DPYS: variants seen among roughly 807,000 people sequenced by gnomAD.
The protein encoded by DPYS is dihydropyrimidine amidohydrolase.
Under a neutral mutation model 50.3 loss-of-function variants are expected in DPYS, and 39 were observed. That is an observed-to-expected ratio of 0.78 (90% CI 0.60 to 1.01). The LOEUF (loss-of-function observed/expected upper bound fraction) is 1.01, where lower values mean the gene tolerates loss of function less well. Among genes scored for constraint, DPYS ranks in the 50% least tolerant of loss-of-function variants. DPYS has a pLI of 0.00. For synonymous variants in DPYS, 245 were observed against 250.7 expected (o/e 0.98, Z 0.22); for missense variants, 659 against 680.9 (o/e 0.97, Z 0.36).
Position 104,466,800 on chromosome 8 carries a change from G to C in DPYS, c.121C>G (p.Pro41Ala). ...VVRALGHDLLPPGGAPAGLRV... is the reference protein window; with the variant it reads ...VVRALGHDLLAPGGAPAGLRV... ...AGCCCCGCAGGAGCGCCCCCGGGAG[G>C]CAGCAGGTCGTGCCCGAGTGCCCGC... Residue 41 changes from proline (P) to alanine (A), a missense_variant, in exon 1 of 10, where the codon CCT (proline) becomes GCT (alanine). Transcript: ENST00000351513. The C allele has an allele frequency of 6.5e-7, 1 of 1,534,242 alleles. No homozygotes were observed. Among genetic ancestry groups the C allele is most frequent in the South Asian group, 1.2e-5 (1 of 83,616 alleles).
chr8:104,383,604 CT>C (rs59669284), intron 8 of DPYS, among the ~76,000 whole-genome samples: 78,835 of 141,660 alleles, frequency 0.56, 26,299 homozygotes, highest in Non-Finnish European at 0.76. Flanking sequence ...CCAGGCTGTA[CT>C]TTTTTTTTTT....
chr8:104,464,868 A>G (rs1814302676), intron 1 of DPYS, among the ~76,000 whole-genome samples: 1 of 152,246 alleles, frequency 6.6e-6, no homozygotes, highest in Admixed American at 6.5e-5. Flanking sequence ...AAATGGAAAA[A>G]TAAGTTCATT....
At position 104,379,759 on chromosome 8, in the gene DPYS, G is replaced by A; in HGVS notation, c.*99C>T. 1 of 456,464 alleles carries A rather than the reference G, an allele frequency of 2.2e-6. No individual in the cohort carries two copies. The highest frequency in any genetic ancestry group is 4.4e-6 in the Non-Finnish European group (1 of 226,900). 28.3% of individuals were successfully genotyped at this position (456,464 alleles called of 1,614,324 possible). A position where few individuals can be genotyped will look rare whatever the true frequency, so the allele number is the denominator to read the frequency against. ...TGAATTTTTTCTAAAGGATCCTAGGGAGTTGAATAAGGCCTGCTTCTCCAT... is the reference window on the plus strand; with the variant it reads ...TGAATTTTTTCTAAAGGATCCTAGGAAGTTGAATAAGGCCTGCTTCTCCAT... On this transcript the variant is annotated 3_prime_UTR_variant, in exon 10 of 10. Transcript: ENST00000351513.
rs980106671 is a variant in DPYS, at chr8:104,423,984, C to T, written c.1235+263G>A. On this transcript the variant is annotated intron_variant, in intron 7 of 9. Transcript: ENST00000351513. ...TGTGAACTCGGGCATTTGCCAGGCACTGAAGTGGTAAATTCATATTGGTTT... is the reference window on the plus strand; with the variant it reads ...TGTGAACTCGGGCATTTGCCAGGCATTGAAGTGGTAAATTCATATTGGTTT... 1.9e-5 allele frequency: 19 copies of T among 985,398 alleles called. No individual in the cohort carries two copies. In the African/African-American group the frequency reaches 3.0e-4, roughly 15 times the overall value. 61.0% of individuals were successfully genotyped at this position (985,398 alleles called of 1,614,324 possible).
intron 7 of DPYS, among the ~76,000 whole-genome samples, chr8:104,395,209 G>A (rs914154507): frequency 6.6e-6 from 1 of 152,070 alleles, no homozygotes; most frequent in Middle Eastern, 3.2e-3. Flanking sequence ...ATGTCACCCA[G>A]GATGGTCTCA....
intron 2 of DPYS, among the ~76,000 whole-genome samples, chr8:104,450,235 A>C (rs369081102): frequency 6.6e-6 from 1 of 152,174 alleles, no homozygotes; most frequent in Non-Finnish European, 1.5e-5. Flanking sequence ...TCCTAAAAGC[A>C]TAAGAGTTCA....
chr8:104,433,291 G>A (rs773668379), intron 4 of DPYS, among the ~76,000 whole-genome samples: 4 of 152,040 alleles, frequency 2.6e-5, no homozygotes, highest in Non-Finnish European at 5.9e-5. Context: ...CTCCACAAAC[G>A]TTAGTTTCCT....
chr8:104,393,384 A>T (rs1384580628), intron 7 of DPYS, among the ~76,000 whole-genome samples: 1 of 152,164 alleles, frequency 6.6e-6, no homozygotes, highest in Non-Finnish European at 1.5e-5. Flanking sequence ...AGCTCTATGA[A>T]ATTTTAACTT....
intron 1 of DPYS, among the ~76,000 whole-genome samples, chr8:104,455,365 T>C (rs1813888701): frequency 1.3e-5 from 2 of 152,058 alleles, no homozygotes; most frequent in Admixed American, 1.3e-4. Context: ...CTGGGGACCA[T>C]ATAAAGTGGT....
intron 6 of DPYS, among the ~76,000 whole-genome samples, chr8:104,426,487 A>G (rs1033067930): frequency 5.9e-4 from 90 of 152,380 alleles, no homozygotes; most frequent in African/African-American, 1.3e-3. Flanking sequence ...CTAGAATGGT[A>G]GCAACGAAGA....
intron 1 of DPYS, among the ~76,000 whole-genome samples, chr8:104,454,436 C>G (rs1813857617): frequency 6.6e-6 from 1 of 152,120 alleles, no homozygotes; most frequent in Non-Finnish European, 1.5e-5. Context: ...TGTGGTGATG[C>G]TTGCACAATT....
chr8:104,467,021 G>T lies in DPYS; in HGVS notation c.-101C>A. 1 of 1,304,470 alleles carries T rather than the reference G, an allele frequency of 7.7e-7. No individual in the cohort carries two copies. Among genetic ancestry groups the T allele is most frequent in the Non-Finnish European group, 9.8e-7 (1 of 1,015,658 alleles). The allele number at this position is 1,304,470 out of a possible 1,614,324, so 80.8% of individuals were successfully genotyped here. ...GGTGCCCTCCTGCAAGGTCCCCACCGACAGCCCCCGAGCTCTGCCTCAGGC... is the reference window on the plus strand; with the variant it reads ...GGTGCCCTCCTGCAAGGTCCCCACCTACAGCCCCCGAGCTCTGCCTCAGGC... On this transcript the variant is annotated 5_prime_UTR_variant, in exon 1 of 10. Coordinates refer to ENST00000351513, the MANE Select transcript of DPYS (RefSeq NM_001385.3).
intron 7 of DPYS, among the ~76,000 whole-genome samples, chr8:104,406,620 C>G (rs979087195): frequency 6.6e-6 from 1 of 152,096 alleles, no homozygotes; most frequent in Non-Finnish European, 1.5e-5. Flanking sequence ...GGTTGGGGTT[C>G]GACCTGGTCC....
chr8:104,426,877 TA>T (rs1249966863), intron 6 of DPYS, among the ~76,000 whole-genome samples: 1 of 152,168 alleles, frequency 6.6e-6, no homozygotes, highest in Admixed American at 6.5e-5. Flanking sequence ...ATAGCAATTT[TA>T]AAAACATGAT....
chr8:104,439,431 A>C (rs1010316199), intron 4 of DPYS, among the ~76,000 whole-genome samples: 1 of 152,218 alleles, frequency 6.6e-6, no homozygotes, highest in Non-Finnish European at 1.5e-5. Flanking sequence ...AACGTCTTAA[A>C]TAAAAAATGT....
intron 7 of DPYS, among the ~76,000 whole-genome samples, chr8:104,393,653 A>G (rs1811478840): frequency 6.6e-6 from 1 of 152,222 alleles, no homozygotes; most frequent in South Asian, 2.1e-4. Flanking sequence ...TAGTTTATTA[A>G]TACTTTTCAA....
At chr8:104,390,571 C>T (rs1390606572) in intron 8 of DPYS, among the ~76,000 whole-genome samples, 1 of 151,202 alleles carries the variant, frequency 6.6e-6, no homozygotes, top group Admixed American at 6.6e-5. Flanking sequence ...GATCTTGGCT[C>T]ACTGCAACCT....
chr8:104,385,248 C>G (rs1811175318), intron 8 of DPYS, among the ~76,000 whole-genome samples: 1 of 152,158 alleles, frequency 6.6e-6, no homozygotes, highest in Non-Finnish European at 1.5e-5. Context: ...TTATTAATGC[C>G]TATATCCTCA....
rs373780401 is a variant in DPYS, at chr8:104,404,262, G to C, written c.1236-11271C>G. On this transcript the variant is annotated intron_variant, in intron 7 of 9. Transcript: ENST00000351513. ...ATCTATGTAGTAAAAAGGGTTCCCAGCTCATTTGAACCTCAACGCAGGGTC... is the reference window on the plus strand; with the variant it reads ...ATCTATGTAGTAAAAAGGGTTCCCACCTCATTTGAACCTCAACGCAGGGTC... Among the ~76,000 whole-genome samples, 16 of 152,270 alleles carry C rather than the reference G, an allele frequency of 1.1e-4. No homozygotes were observed. The South Asian group carries it at 2.5e-3, about 24-fold the overall frequency.
Sources: allele counts gnomAD v4.1 joint callset (sites outside exome capture counted in the v4.1 genomes callset), GRCh38; gene constraint gnomAD v4.1.1; transcripts MANE v1.5; gene names NCBI Gene and HGNC (gene_info 2026-07-23, HGNC 2026-07-21).